Variants in APBA2 observed in about 807,000 individuals in gnomAD.
The protein encoded by APBA2 is amyloid beta precursor protein binding family A member 2.
Under a neutral mutation model 75.0 loss-of-function variants are expected in APBA2, and 30 were observed. The ratio of observed to expected loss-of-function variants is 0.40; its 90% CI spans 0.30 to 0.54. The LOEUF is 0.54. Among genes scored for constraint, APBA2 ranks in the 20% least tolerant of loss-of-function variants. APBA2 has a pLI of 0.49. For synonymous variants in APBA2, 444 were observed against 409.6 expected (o/e 1.08, Z -1.01); for missense variants, 801 against 1,016.1 (o/e 0.79, Z 2.88).
intron 3 of APBA2, among the ~76,000 whole-genome samples, chr15:28,999,564 A>G (rs2038734434): frequency 6.6e-6 from 1 of 152,154 alleles, no homozygotes; most frequent in African/African-American, 2.4e-5. Flanking sequence ...GTGTGAAGCA[A>G]GGGGGCCTTC....
intron 7 of APBA2, 136 bp downstream of exon 7, chr15:29,093,356 G>T: frequency 7.4e-7 from 1 of 1,342,496 alleles, no homozygotes. Flanking sequence ...GAGCGGCCCA[G>T]GTGCCAACGA....
chr15:29,097,543 T>C (rs1567006731), intron 8 of APBA2, among the ~76,000 whole-genome samples: 8 of 152,256 alleles, frequency 5.3e-5, no homozygotes, highest in Admixed American at 3.9e-4. Context: ...ACTTTTTACA[T>C]TGACGGATAA....
At chr15:29,061,727 G>C (rs1227751631) in intron 4 of APBA2, among the ~76,000 whole-genome samples, 1 of 152,232 alleles carries the variant, frequency 6.6e-6, no homozygotes, top group Non-Finnish European at 1.5e-5. Flanking sequence ...TGCCAAGGGA[G>C]AGAAGGTGCT....
At position 29,117,221 on chromosome 15, in the gene APBA2, C is replaced by T. The variant is rs932586415; in HGVS notation, c.*88C>T. On this transcript the variant is annotated 3_prime_UTR_variant, in exon 15 of 15. Coordinates refer to ENST00000683413, the MANE Select transcript of APBA2 (RefSeq NM_001353788.2). Reference sequence around the variant, plus strand: ...GGGAGCCGGGCCGCAGACTTGACCCCGACGCCACAGCCCAGCCACGGACGC... The same window carrying T: ...GGGAGCCGGGCCGCAGACTTGACCCTGACGCCACAGCCCAGCCACGGACGC... 4.5e-5 allele frequency: 57 copies of T among 1,274,116 alleles called. No individual in the cohort carries two copies. Among genetic ancestry groups the T allele is most frequent in the Non-Finnish European group, 5.5e-5 (48 of 876,614 alleles). The allele number at this position is 1,274,116 out of a possible 1,614,324, so 78.9% of individuals were successfully genotyped here. A position where few individuals can be genotyped will look rare whatever the true frequency, so the allele number is the denominator to read the frequency against.
chr15:29,078,485 C>T (rs2152928884), intron 6 of APBA2, among the ~76,000 whole-genome samples: 1 of 150,400 alleles, frequency 6.6e-6, no homozygotes, highest in East Asian at 2.0e-4. Context: ...GTGGCGTGTG[C>T]CTGTAGTCCC....
At chr15:29,050,767 C>T (rs55942262) in intron 3 of APBA2, among the ~76,000 whole-genome samples, 1 of 152,164 alleles carries the variant, frequency 6.6e-6, no homozygotes, top group Non-Finnish European at 1.5e-5. Context: ...TTTATCCCCC[C>T]GAATGACAGA....
rs964358278 is a variant in APBA2, at chr15:28,994,610, A to T, written c.-94-1143A>T. 2.0e-5 allele frequency among the ~76,000 whole-genome samples: 3 copies of T among 152,204 alleles called. No individual in the cohort carries two copies. In the East Asian group the frequency reaches 5.8e-4, roughly 29 times the overall value. ...AGAGACGTTGGGTCATCTCCTTTACATGGGGACCAGAAGTATCTTCCCTGG... is the reference window on the plus strand; with the variant it reads ...AGAGACGTTGGGTCATCTCCTTTACTTGGGGACCAGAAGTATCTTCCCTGG... On this transcript the variant is annotated intron_variant, in intron 2 of 14. Transcript: ENST00000683413.
intron 4 of APBA2, among the ~76,000 whole-genome samples, chr15:29,055,347 A>T (rs2041836288): frequency 6.6e-6 from 1 of 152,222 alleles, no homozygotes; most frequent in African/African-American, 2.4e-5. Context: ...CCTTGGCCTG[A>T]TGGGCAATCA....
At chr15:29,056,308 A>T (rs1035539819) in intron 4 of APBA2, among the ~76,000 whole-genome samples, 12 of 152,092 alleles carry the variant, frequency 7.9e-5, no homozygotes, top group Non-Finnish European at 1.6e-4. Context: ...GGGTGATAGT[A>T]GCTGTTTAAA....
chr15:28,891,225 A>G (rs150125009), intron 1 of APBA2, among the ~76,000 whole-genome samples: 77,936 of 152,032 alleles, frequency 0.51, 20,996 homozygotes, highest in African/African-American at 0.68. Context: ...TCTGGAAGGC[A>G]CGTCTTGTCT....
At chr15:28,898,564 G>A (rs184887512) in intron 1 of APBA2, among the ~76,000 whole-genome samples, 17 of 152,308 alleles carry the variant, frequency 1.1e-4, no homozygotes, top group Middle Eastern at 6.8e-3. Context: ...TTCGGGAGAT[G>A]GTACTGATAG....
intron 1 of APBA2, among the ~76,000 whole-genome samples, chr15:28,888,032 C>T (rs563174746): frequency 3.3e-5 from 5 of 152,208 alleles, no homozygotes; most frequent in African/African-American, 1.2e-4. Flanking sequence ...AACTGGTGAC[C>T]GTCAGCTCCT....
intron 1 of APBA2, among the ~76,000 whole-genome samples, chr15:28,897,154 C>T (rs36128923): frequency 0.16 from 24,754 of 151,024 alleles, 2,216 homozygotes; most frequent in Middle Eastern, 0.28. Flanking sequence ...AATGAGAGAA[C>T]ACCCAGTAGG....
chr15:28,940,961 G>A (rs551380788), intron 2 of APBA2, among the ~76,000 whole-genome samples: 1 of 152,300 alleles, frequency 6.6e-6, no homozygotes, highest in South Asian at 2.1e-4. Flanking sequence ...GCCAGAGATG[G>A]ACAATTTGAA....
chr15:29,117,033 G>GCGGCT, intron 14 of APBA2, 29 bp from the exon 15 acceptor site: 1 of 1,611,108 alleles, frequency 6.2e-7, no homozygotes, highest in Non-Finnish European at 8.5e-7. Context: ...TGGGAGGGCA[G>GCGGCT]CGGCTCAGCC....
At chr15:28,993,037 G>A (rs1344574334) in intron 2 of APBA2, among the ~76,000 whole-genome samples, 1 of 152,228 alleles carries the variant, frequency 6.6e-6, no homozygotes, top group Admixed American at 6.5e-5. Flanking sequence ...GGCAGGAAGA[G>A]GATGGAGTGA....
intron 3 of APBA2, among the ~76,000 whole-genome samples, chr15:29,035,037 C>A (rs919708949): frequency 6.6e-6 from 1 of 152,212 alleles, no homozygotes; most frequent in Non-Finnish European, 1.5e-5. Flanking sequence ...TGGGCCCTGG[C>A]CTGGTGTCTC....
intron 2 of APBA2, among the ~76,000 whole-genome samples, chr15:28,973,601 G>A (rs545765280): frequency 5.3e-4 from 80 of 152,238 alleles, no homozygotes; most frequent in African/African-American, 1.9e-3. Context: ...CTTTGGCGAA[G>A]GCACTGATAG....
chr15:29,016,023 C>T (rs2039644899), intron 3 of APBA2, among the ~76,000 whole-genome samples: 1 of 152,186 alleles, frequency 6.6e-6, no homozygotes, highest in South Asian at 2.1e-4. Flanking sequence ...CTTTGGGAGG[C>T]CAAGGCGGGC....
Sources: allele counts gnomAD v4.1 joint callset (sites outside exome capture counted in the v4.1 genomes callset), GRCh38; gene constraint gnomAD v4.1.1; transcripts MANE v1.5; gene names NCBI Gene and HGNC (gene_info 2026-07-23, HGNC 2026-07-21).